Variants in CSMD3 observed in about 807,000 individuals in gnomAD.
CSMD3 encodes CUB and sushi domain-containing protein 3.
Under a neutral mutation model 435.2 loss-of-function variants are expected in CSMD3, and 177 were observed. That is an observed-to-expected ratio of 0.41 (90% confidence interval 0.36 to 0.46). The LOEUF (loss-of-function observed/expected upper bound fraction) is 0.46. Among genes scored for constraint, CSMD3 ranks in the 20% least tolerant of loss-of-function variants. The pLI is 0.34. For missense variants in CSMD3, 4,265 were observed against 4,504.6 expected (o/e 0.95, Z 1.52); for synonymous variants, 1,656 against 1,520.5 (o/e 1.09, Z -2.07).
chr8:112,992,668 CT>C (rs2085499240), intron 6 of CSMD3, among the ~76,000 whole-genome samples: 1 of 151,720 alleles, frequency 6.6e-6, no homozygotes, highest in Non-Finnish European at 1.5e-5. Flanking sequence ...GGTTTGTAGG[CT>C]ATTGTAAGAA....
chr8:113,264,392 A>C (rs1418887674), intron 3 of CSMD3, among the ~76,000 whole-genome samples: 1 of 137,612 alleles, frequency 7.3e-6, no homozygotes, highest in East Asian at 2.0e-4. Context: ...TAACACATTC[A>C]ACTATATTTA....
chr8:112,782,210 C>A (rs912843002), intron 13 of CSMD3, among the ~76,000 whole-genome samples: 2 of 134,020 alleles, frequency 1.5e-5, no homozygotes, highest in Non-Finnish European at 3.1e-5. Flanking sequence ...AATTAGAATC[C>A]TACCAAATAA....
chr8:112,828,378 G>T (rs75740455), intron 12 of CSMD3, among the ~76,000 whole-genome samples: 2,006 of 152,216 alleles, frequency 0.013, 46 homozygotes, highest in African/African-American at 0.046. Flanking sequence ...CACAGGGGTG[G>T]ATTTCTCCCA....
chr8:112,434,573 C>A (rs1814102897), intron 32 of CSMD3, among the ~76,000 whole-genome samples: 1 of 151,884 alleles, frequency 6.6e-6, no homozygotes, highest in African/African-American at 2.4e-5. Flanking sequence ...TGCTTTTTCC[C>A]AGAATAAGAT....
rs10559426 is a variant in CSMD3, at chr8:112,989,562, CAG to C, written c.1031-13416_1031-13415del. Among the ~76,000 whole-genome samples, 1,438 of 152,032 alleles carry C rather than the reference CAG, an allele frequency of 9.5e-3. 14 individuals are homozygous for C. The highest frequency in any genetic ancestry group is 0.033 in the African/African-American group (1,382 of 41,486). On this transcript the variant is annotated intron_variant, in intron 6 of 70. Coordinates refer to ENST00000297405, the MANE Select transcript of CSMD3 (RefSeq NM_198123.2). ...AGGGATAAACAATTAACAAAAATAACAGAATATGTTTGTACTATGTTGCTGTG... is the reference window on the plus strand; with the variant it reads ...AGGGATAAACAATTAACAAAAATAACAATATGTTTGTACTATGTTGCTGTG...
At chr8:112,251,364 T>G (rs1357118451) in intron 63 of CSMD3, among the ~76,000 whole-genome samples, 1 of 151,686 alleles carries the variant, frequency 6.6e-6, no homozygotes, top group African/African-American at 2.4e-5. Flanking sequence ...TCATAAAAAA[T>G]GAAGGTATAA....
At chr8:113,314,493 T>G in intron 2 of CSMD3, 78 bp downstream of exon 2, 1 of 830,238 alleles carries the variant, frequency 1.2e-6, no homozygotes, top group Non-Finnish European at 2.1e-6. Context: ...ATCACAAATG[T>G]TAAGCATCTT....
chr8:113,265,857 G>T (rs903496092), intron 3 of CSMD3, among the ~76,000 whole-genome samples: 2 of 151,340 alleles, frequency 1.3e-5, no homozygotes, highest in African/African-American at 4.8e-5. Context: ...CAAAAGATTC[G>T]AATTTGACCA....
chr8:113,260,636 C>T (rs949181962), intron 3 of CSMD3, among the ~76,000 whole-genome samples: 47 of 152,066 alleles, frequency 3.1e-4, no homozygotes, highest in African/African-American at 1.0e-3. Flanking sequence ...ACTTTAAGTT[C>T]TGGGATACAT....
chr8:112,735,224 G>T (rs973802440), intron 13 of CSMD3, among the ~76,000 whole-genome samples: 4 of 151,906 alleles, frequency 2.6e-5, no homozygotes, highest in Admixed American at 6.6e-5. Flanking sequence ...AGCTGAAGTT[G>T]GTTATTTAAT....
At chr8:112,738,308 G>T (rs1384676350) in intron 13 of CSMD3, among the ~76,000 whole-genome samples, 3 of 151,658 alleles carry the variant, frequency 2.0e-5, no homozygotes, top group Non-Finnish European at 4.4e-5. Flanking sequence ...CAAAGACGCA[G>T]CTGTTTTACC....
chr8:112,558,627 G>T (rs1305307888), intron 24 of CSMD3, among the ~76,000 whole-genome samples: 4 of 151,786 alleles, frequency 2.6e-5, no homozygotes, highest in African/African-American at 9.7e-5. Context: ...GTGACGAAAG[G>T]TATCACATCT....
At chr8:112,363,273 C>T (rs1295218809) in intron 38 of CSMD3, among the ~76,000 whole-genome samples, 1 of 151,946 alleles carries the variant, frequency 6.6e-6, no homozygotes, top group Non-Finnish European at 1.5e-5. Flanking sequence ...AAGTGCCTAA[C>T]AAATGTTAAC....
intron 24 of CSMD3, among the ~76,000 whole-genome samples, chr8:112,563,418 A>C (rs1018123984): frequency 1.3e-5 from 2 of 149,374 alleles, no homozygotes; most frequent in African/African-American, 4.9e-5. Context: ...TTTTTTTTTT[A>C]ATGGCAGATG....
At chr8:112,762,451 G>T (rs1170099157) in intron 13 of CSMD3, among the ~76,000 whole-genome samples, 1 of 151,838 alleles carries the variant, frequency 6.6e-6, no homozygotes, top group Non-Finnish European at 1.5e-5. Flanking sequence ...TTTAAGCTAG[G>T]CAACAGATAT....
chr8:113,322,464 G>T (rs1473015927), intron 1 of CSMD3, among the ~76,000 whole-genome samples: 2 of 151,984 alleles, frequency 1.3e-5, no homozygotes, highest in East Asian at 1.9e-4. Context: ...ATTAAACATG[G>T]GTATTCGTGT....
At chr8:112,269,652 T>C (rs1388485657) in intron 59 of CSMD3, among the ~76,000 whole-genome samples, 3 of 152,158 alleles carry the variant, frequency 2.0e-5, no homozygotes, top group African/African-American at 7.2e-5. Flanking sequence ...GATCCCCTTA[T>C]AATTAATATC....
At chr8:112,500,045 G>A (rs1821788393) in intron 30 of CSMD3, among the ~76,000 whole-genome samples, 1 of 152,032 alleles carries the variant, frequency 6.6e-6, no homozygotes, top group Admixed American at 6.6e-5. Context: ...GGATGCAAAG[G>A]TTGCGGTGAA....
At chr8:113,193,161 ACACT>A (rs1245939223) in intron 3 of CSMD3, among the ~76,000 whole-genome samples, 2 of 150,882 alleles carry the variant, frequency 1.3e-5, no homozygotes, top group African/African-American at 4.9e-5. Flanking sequence ...TTGCATGGAA[ACACT>A]CACTTATTCC....
Sources: gnomAD v4.1 joint callset for allele counts (sites outside exome capture counted in the v4.1 genomes callset) on GRCh38, gnomAD v4.1.1 for gene constraint, MANE v1.5 for transcripts, NCBI Gene and HGNC (gene_info 2026-07-23, HGNC 2026-07-21) for gene names.